PTPRD: variants seen among roughly 807,000 people sequenced by gnomAD.
PTPRD encodes the protein protein tyrosine phosphatase receptor type D, also known as receptor-type tyrosine-protein phosphatase delta.
PTPRD carries 34 observed loss-of-function variants against 214.5 expected under a neutral mutation model. The observed-to-expected ratio is 0.16, with a 90% confidence interval of 0.12 to 0.21. The LOEUF (loss-of-function observed/expected upper bound fraction) is 0.21. Ranked by LOEUF, PTPRD falls within the 10% of genes least tolerant of loss-of-function variation. The pLI is 1.00. For missense variants in PTPRD, 2,545 were observed against 2,398.7 expected, an observed-to-expected ratio of 1.06 and a Z score of -1.27; for synonymous variants, 1,128 against 845.7, an observed-to-expected ratio of 1.33 and a Z score of -5.79.
intron 8 of PTPRD, among the ~76,000 whole-genome samples, chr9:9,508,918 T>C (rs2096633564): frequency 6.6e-6 from 1 of 151,638 alleles, no homozygotes; most frequent in Non-Finnish European, 1.5e-5. Flanking sequence ...ATATCACCCT[T>C]GCATTTACCA....
chr9:9,068,383 C>T (rs1369655843), intron 10 of PTPRD, among the ~76,000 whole-genome samples: 5 of 152,146 alleles, frequency 3.3e-5, no homozygotes, highest in African/African-American at 9.7e-5. Flanking sequence ...TTACTGGTTG[C>T]ATAGTAATTG....
At chr9:9,768,313 T>C (rs538611418) in intron 5 of PTPRD, among the ~76,000 whole-genome samples, 62 of 152,312 alleles carry the variant, frequency 4.1e-4, no homozygotes, top group African/African-American at 1.5e-3. Context: ...GAACAGTTTT[T>C]GGGACATAGT....
intron 2 of PTPRD, among the ~76,000 whole-genome samples, chr9:10,564,253 G>A (rs1309753868): frequency 8.0e-6 from 1 of 125,032 alleles, no homozygotes; most frequent in Non-Finnish European, 1.6e-5. Context: ...GGGCTAAAGT[G>A]ATCCTCCCAC....
intron 36 of PTPRD, among the ~76,000 whole-genome samples, chr9:8,401,540 A>G (rs1265964217): frequency 6.6e-6 from 1 of 152,180 alleles, no homozygotes; most frequent in African/African-American, 2.4e-5. Context: ...TTTTGAATTT[A>G]TTCTGCATTT....
intron 11 of PTPRD, among the ~76,000 whole-genome samples, chr9:8,759,905 C>T (rs535352448): frequency 6.6e-6 from 1 of 152,304 alleles, no homozygotes; most frequent in South Asian, 2.1e-4. Context: ...CTTCGATTTA[C>T]TATCCTCTAA....
chr9:10,496,235 G>C (rs999149683), intron 2 of PTPRD, among the ~76,000 whole-genome samples: 3 of 151,760 alleles, frequency 2.0e-5, no homozygotes, highest in African/African-American at 7.3e-5. Context: ...AAGAGCACTT[G>C]AAGCTATTAC....
chr9:8,665,775 G>A (rs12682756), intron 12 of PTPRD, among the ~76,000 whole-genome samples: 15,370 of 152,204 alleles, frequency 0.1, 936 homozygotes, highest in East Asian at 0.25. Flanking sequence ...GAAGGAAGAA[G>A]CTTGAATTTA....
At chr9:9,900,162 C>A (rs553099028) in intron 5 of PTPRD, among the ~76,000 whole-genome samples, 29 of 152,282 alleles carry the variant, frequency 1.9e-4, no homozygotes, top group African/African-American at 6.5e-4. Flanking sequence ...TCCTTCCCTA[C>A]CACATGCCCA....
chr9:8,702,670 G>C lies in PTPRD; in HGVS notation c.64+31110C>G, dbSNP rs572394851. ...GCTATGTCGCCCCAGCTGGAGTGCAGTGGCACGATCTCGGCTCACTGCAAC... is the reference window on the plus strand; with the variant it reads ...GCTATGTCGCCCCAGCTGGAGTGCACTGGCACGATCTCGGCTCACTGCAAC... On this transcript the variant is annotated intron_variant, in intron 12 of 45. Coordinates refer to ENST00000381196, the MANE Select transcript of PTPRD (RefSeq NM_002839.4). Among the ~76,000 whole-genome samples the C allele has an allele frequency of 7.3e-4, 111 of 152,316 alleles. 2 individuals are homozygous for C. In the South Asian group the frequency reaches 0.023, roughly 31 times the overall value.
intron 3 of PTPRD, among the ~76,000 whole-genome samples, chr9:10,227,108 A>G (rs183751765): frequency 9.9e-5 from 15 of 152,126 alleles, no homozygotes; most frequent in African/African-American, 3.6e-4. Flanking sequence ...AAATTAATAG[A>G]AAAAGTTATA....
At chr9:8,781,723 A>C (rs1369426234) in intron 11 of PTPRD, among the ~76,000 whole-genome samples, 1 of 152,316 alleles carries the variant, frequency 6.6e-6, no homozygotes, top group African/African-American at 2.4e-5. Flanking sequence ...CAGGGGATGC[A>C]GGAAGGTCAG....
Position 9,183,024 on chromosome 9 carries a change from T to G in PTPRD, c.-143+280A>C, listed in dbSNP as rs375507153. ...TCAGAAATTTAACCGATTGTTAGATTTCCCCCCACGTTCAGGCCTAACATC... is the reference window on the plus strand; with the variant it reads ...TCAGAAATTTAACCGATTGTTAGATGTCCCCCCACGTTCAGGCCTAACATC... On this transcript the variant is annotated intron_variant, in intron 10 of 45. Coordinates refer to ENST00000381196, the MANE Select transcript of PTPRD (RefSeq NM_002839.4). Among the ~76,000 whole-genome samples the G allele has an allele frequency of 1.2e-4, 18 of 151,948 alleles. No homozygotes were observed. The East Asian group carries it at 2.9e-3, about 24-fold the overall frequency.
chr9:8,319,770 G>C (rs932986563), intron 45 of PTPRD, 61 bp downstream of exon 45: 1 of 1,597,764 alleles, frequency 6.3e-7, no homozygotes, highest in Non-Finnish European at 8.5e-7. Context: ...TGGAGTCCGG[G>C]AGGTCCAGGC....
intron 4 of PTPRD, among the ~76,000 whole-genome samples, chr9:9,961,670 G>A (rs1235845055): frequency 1.3e-5 from 2 of 152,080 alleles, no homozygotes; most frequent in Admixed American, 6.6e-5. Context: ...GCAGGATGCT[G>A]GCAACACTGA....
At chr9:8,944,625 A>T (rs2099052860) in intron 11 of PTPRD, among the ~76,000 whole-genome samples, 1 of 152,128 alleles carries the variant, frequency 6.6e-6, no homozygotes, top group Non-Finnish European at 1.5e-5. Context: ...AAACAACATT[A>T]TATTATGTGA....
chr9:8,342,230 T>A (rs773520750), intron 39 of PTPRD, among the ~76,000 whole-genome samples: 34 of 152,192 alleles, frequency 2.2e-4, no homozygotes, highest in Non-Finnish European at 4.1e-4. Context: ...CCATAATCAC[T>A]ATGTTCCTTG....
intron 7 of PTPRD, among the ~76,000 whole-genome samples, chr9:9,646,107 CATCT>C (rs2096153749): frequency 6.6e-6 from 1 of 152,140 alleles, no homozygotes; most frequent in Admixed American, 6.5e-5. Context: ...AGATGCTTTC[CATCT>C]AAGACAGTCC....
At chr9:9,028,132 C>G (rs924204063) in intron 10 of PTPRD, among the ~76,000 whole-genome samples, 2 of 151,972 alleles carry the variant, frequency 1.3e-5, no homozygotes, top group African/African-American at 2.4e-5. Context: ...CTCCCTATCA[C>G]AAACTGATGT....
chr9:10,502,057 T>C (rs1160439404), intron 2 of PTPRD, among the ~76,000 whole-genome samples: 3 of 151,890 alleles, frequency 2.0e-5, no homozygotes, highest in South Asian at 2.1e-4. Flanking sequence ...GCTTAATTTT[T>C]TTTAAGAAAA....
Sources: allele counts gnomAD v4.1 joint callset (sites outside exome capture counted in the v4.1 genomes callset), GRCh38; gene constraint gnomAD v4.1.1; transcripts MANE v1.5; gene names NCBI Gene and HGNC (gene_info 2026-07-23, HGNC 2026-07-21).